KRABD5: variants seen among roughly 807,000 people sequenced by gnomAD.
KRABD5 encodes KRAB domain-containing protein 5.
chr16:31,736,460 A>G, the KRABD5 span, among the ~76,000 whole-genome samples: 1 of 148,614 alleles, frequency 6.7e-6, no homozygotes, highest in Non-Finnish European at 1.5e-5. Context: ...GTATTCTGAT[A>G]GAAATTGCGT....
the KRABD5 span, among the ~76,000 whole-genome samples, chr16:31,740,160 G>A: frequency 6.6e-6 from 1 of 152,186 alleles, no homozygotes. Flanking sequence ...ATTTCTGTGT[G>A]TGTGTCTTTA....
chr16:31,759,052 T>C, the KRABD5 span: 1 of 260,622 alleles, frequency 3.8e-6, no homozygotes, highest in East Asian at 8.6e-5. Context: ...AGATTCATAT[T>C]GTATTCCCTG....
At chr16:31,723,453 A>G in the KRABD5 span, 4 of 1,222,490 alleles carry the variant, frequency 3.3e-6, no homozygotes, top group East Asian at 5.5e-5. Context: ...TCCAGTGGAA[A>G]TGATTTTTGA....
chr16:31,726,526 C>A, the KRABD5 span, among the ~76,000 whole-genome samples: 2 of 152,122 alleles, frequency 1.3e-5, no homozygotes, highest in East Asian at 3.9e-4. Flanking sequence ...TTTGGGAGAC[C>A]GAAGCAGGTG....
chr16:31,748,698 T>C, the KRABD5 span, among the ~76,000 whole-genome samples: 1 of 152,092 alleles, frequency 6.6e-6, no homozygotes, highest in African/African-American at 2.4e-5. Flanking sequence ...TCAGCTTTTT[T>C]TAGTTGATTC....
chr16:31,731,765 C>G, the KRABD5 span, among the ~76,000 whole-genome samples: 1 of 152,198 alleles, frequency 6.6e-6, no homozygotes, highest in Non-Finnish European at 1.5e-5. Context: ...AGGCAGGTCC[C>G]AGGTTGAGCA....
chr16:31,753,748 A>G, the KRABD5 span: 52 of 1,451,960 alleles, frequency 3.6e-5, no homozygotes, highest in East Asian at 9.2e-4. Flanking sequence ...AATTTTGAAA[A>G]CTTTTGGTAT....
At chr16:31,725,660 T>C in the KRABD5 span, among the ~76,000 whole-genome samples, 1 of 152,250 alleles carries the variant, frequency 6.6e-6, no homozygotes, top group African/African-American at 2.4e-5. Flanking sequence ...GATATCTCAT[T>C]GTGTTATCTC....
chr16:31,759,221 T>C, the KRABD5 span: 1 of 938,350 alleles, frequency 1.1e-6, no homozygotes, highest in Non-Finnish European at 1.6e-6. Flanking sequence ...GAACTAATTG[T>C]ATAGCTTTTA....
At chr16:31,753,635 C>A in the KRABD5 span, 3 of 895,004 alleles carry the variant, frequency 3.4e-6, no homozygotes, top group Admixed American at 9.6e-5. Context: ...ATTGAGAAAA[C>A]AAAGGGGCCT....
At chr16:31,753,281 T>C in the KRABD5 span, among the ~76,000 whole-genome samples, 1 of 152,208 alleles carries the variant, frequency 6.6e-6, no homozygotes, top group Non-Finnish European at 1.5e-5. Context: ...ACTGTCTCTC[T>C]GTTCTTGTAA....
At chr16:31,756,541 A>C in the KRABD5 span, 1 of 152,138 alleles carries the variant, frequency 6.6e-6, no homozygotes, top group Non-Finnish European at 1.5e-5. Flanking sequence ...ACTTTATATC[A>C]ATTTTCCAGA....
chr16:31,742,703 T>G, the KRABD5 span, among the ~76,000 whole-genome samples: 1 of 152,224 alleles, frequency 6.6e-6, no homozygotes, highest in African/African-American at 2.4e-5. Context: ...GGTCAAATAG[T>G]GTTTCTGATT....
At chr16:31,722,190 C>T in the KRABD5 span, among the ~76,000 whole-genome samples, 2 of 152,174 alleles carry the variant, frequency 1.3e-5, no homozygotes, top group Non-Finnish European at 2.9e-5. Context: ...TCTCCTGCCT[C>T]AGGTTCCTGA....
chr16:31,713,637 C>T, the KRABD5 span: 17 of 677,984 alleles, frequency 2.5e-5, 1 homozygote, highest in South Asian at 1.5e-4. Context: ...CCCCGCAGAG[C>T]GACCTCTGCC....
At chr16:31,745,720 T>G in the KRABD5 span, among the ~76,000 whole-genome samples, 1 of 152,174 alleles carries the variant, frequency 6.6e-6, no homozygotes, top group Admixed American at 6.5e-5. Flanking sequence ...GACAGTGGAG[T>G]GTTAAAGTCT....
chr16:31,724,873 G>A, the KRABD5 span, among the ~76,000 whole-genome samples: 2 of 151,922 alleles, frequency 1.3e-5, no homozygotes, highest in African/African-American at 2.4e-5. Flanking sequence ...GTTGGGACCC[G>A]TTCTACACTT....
chr16:31,719,874 A>T, the KRABD5 span, among the ~76,000 whole-genome samples: 1 of 152,228 alleles, frequency 6.6e-6, no homozygotes, highest in Non-Finnish European at 1.5e-5. Context: ...CACAAGTAGT[A>T]ACAAAGTCAA....
At chr16:31,757,394 G>A in the KRABD5 span, 1 of 152,176 alleles carries the variant, frequency 6.6e-6, no homozygotes, top group African/African-American at 2.4e-5. Flanking sequence ...TTGAACTGAG[G>A]AGATGAAGGT....
Sources: allele counts gnomAD v4.1 joint callset (sites outside exome capture counted in the v4.1 genomes callset), GRCh38; gene constraint gnomAD v4.1.1; transcripts MANE v1.5; gene names NCBI Gene and HGNC (gene_info 2026-07-23, HGNC 2026-07-21).